The following NCKAP1 variants were observed in gnomAD, a reference collection of about 807,000 sequenced individuals.
NCKAP1 encodes the protein NCK associated protein 1.
In NCKAP1, 21 loss-of-function variants were observed where a neutral mutation model predicts 151.2. The observed-to-expected ratio is 0.14, with a 90% confidence interval of 0.10 to 0.20. NCKAP1 has a LOEUF of 0.20. Among genes scored for constraint, NCKAP1 ranks in the 10% least tolerant of loss-of-function variants. The probability of loss-of-function intolerance (pLI) is 1.00; values close to 1 mark genes in which losing one functional copy is unlikely to be tolerated. For synonymous variants in NCKAP1, 484 were observed against 451.8 expected (o/e 1.07, Z -0.90); for missense variants, 933 against 1,352.1 (o/e 0.69, Z 4.86).
At position 182,924,051 on chromosome 2, in the gene NCKAP1, G is replaced by A. The variant is rs557669242; in HGVS notation, c.*1651C>T. On this transcript the variant is annotated 3_prime_UTR_variant, in exon 31 of 31. Transcript: ENST00000361354. Reference sequence around the variant, plus strand: ...AAGATCCTAATATTTCAAAACAAACGGCATTAAATCTTAGTTTTGACTGCT... The same window carrying A: ...AAGATCCTAATATTTCAAAACAAACAGCATTAAATCTTAGTTTTGACTGCT... 6 of 152,012 alleles carry A rather than the reference G, an allele frequency of 3.9e-5. No individual in the cohort carries two copies. The highest frequency in any genetic ancestry group is 9.7e-5 in the African/African-American group (4 of 41,386). The allele number at this position is 152,012 out of a possible 1,614,324, so 9.4% of individuals were successfully genotyped here.
intron 18 of NCKAP1, among the ~76,000 whole-genome samples, chr2:182,959,959 C>T (rs1294668774): frequency 6.6e-6 from 1 of 152,172 alleles, no homozygotes; most frequent in Non-Finnish European, 1.5e-5. Context: ...AGAGCCAAAT[C>T]ATGAGTGAAC....
intron 4 of NCKAP1, among the ~76,000 whole-genome samples, chr2:183,002,765 C>T (rs1340501179): frequency 6.6e-6 from 1 of 151,414 alleles, no homozygotes; most frequent in African/African-American, 2.4e-5. Context: ...CGTGTATTTC[C>T]CAATATGTAC....
chr2:182,962,103 C>G, intron 18 of NCKAP1, 56 bp downstream of exon 18: 1 of 1,541,334 alleles, frequency 6.5e-7, no homozygotes, highest in South Asian at 1.3e-5. Flanking sequence ...GCTAAAAGCA[C>G]ATTTTCTTGC....
Position 182,981,353 on chromosome 2 carries a change from T to G in NCKAP1, c.1232A>C (p.Tyr411Ser), listed in dbSNP as rs992791777. 2 of 1,612,122 alleles carry G rather than the reference T, an allele frequency of 1.2e-6. No individual in the cohort carries two copies. Among genetic ancestry groups the G allele is most frequent in the Non-Finnish European group, 1.7e-6 (2 of 1,178,548 alleles). The change falls in exon 13 of 31, where the codon TAC (tyrosine) becomes TCC (serine). Residue 411 changes from tyrosine to serine, a missense_variant. Physicochemically the swap from Tyr to Ser is moderately radical, Grantham distance 144. This residue lies in a region of NCKAP1 where 607 missense variants were observed against 795.0 expected (regional missense o/e 0.76). Coordinates refer to ENST00000361354, the MANE Select transcript of NCKAP1 (RefSeq NM_013436.5). Reference sequence around the variant, plus strand: ...CACATGTGCTCTAAGTTCTTCCATGTAAAATATTAATTCAGCAATGTGCCT... The same window carrying G: ...CACATGTGCTCTAAGTTCTTCCATGGAAAATATTAATTCAGCAATGTGCCT... Reference protein sequence around the residue: ...IDKHIAELIFYMEELRAHVRK... With the variant: ...IDKHIAELIFSMEELRAHVRK...
intron 2 of NCKAP1, among the ~76,000 whole-genome samples, chr2:183,008,056 A>C (rs1163307511): frequency 6.6e-6 from 1 of 152,108 alleles, no homozygotes; most frequent in Non-Finnish European, 1.5e-5. Flanking sequence ...CCTCCCGAGT[A>C]GCTGGGATTA....
chr2:182,971,497 C>T (rs540684450), intron 15 of NCKAP1, among the ~76,000 whole-genome samples: 70 of 150,624 alleles, frequency 4.6e-4, no homozygotes, highest in Admixed American at 4.6e-3. Flanking sequence ...AATAAACTAT[C>T]TATCTAAATA....
chr2:183,029,530 C>T (rs959658682), intron 1 of NCKAP1, among the ~76,000 whole-genome samples: 16 of 151,320 alleles, frequency 1.1e-4, no homozygotes, highest in African/African-American at 3.9e-4. Flanking sequence ...AATCAAGACA[C>T]CAAAAAAAAA....
intron 2 of NCKAP1, among the ~76,000 whole-genome samples, chr2:183,009,139 C>T (rs534932511): frequency 2.6e-5 from 4 of 151,992 alleles, no homozygotes; most frequent in Admixed American, 1.3e-4. Flanking sequence ...TTTGGGAGGC[C>T]GAGGTGGGCG....
chr2:182,986,422 A>G (rs1698058364), intron 9 of NCKAP1, among the ~76,000 whole-genome samples, 195 bp from the exon 10 acceptor site: 1 of 152,166 alleles, frequency 6.6e-6, no homozygotes, highest in Non-Finnish European at 1.5e-5. Context: ...CCTAAAAAAA[A>G]AAGTAACATT....
chr2:182,964,952 C>A (rs1575034762), intron 16 of NCKAP1, 144 bp from the exon 17 acceptor site: 2 of 504,798 alleles, frequency 4.0e-6, no homozygotes, highest in African/African-American at 2.0e-5. Flanking sequence ...CCCAAAGTAT[C>A]TTTTACACAC....
At chr2:182,952,656 A>C (rs764121226) in intron 22 of NCKAP1, 137 bp downstream of exon 22, 41 of 1,152,638 alleles carry the variant, frequency 3.6e-5, no homozygotes, top group Non-Finnish European at 4.8e-5. Context: ...TGCAAAAGTA[A>C]TTCTAAGATA....
chr2:182,921,748 T>A lies in NCKAP1; in HGVS notation c.*3954A>T, dbSNP rs1304455507. 2 of 152,204 alleles carry A rather than the reference T, an allele frequency of 1.3e-5. No individual in the cohort carries two copies. Among genetic ancestry groups the A allele is most frequent in the African/African-American group, 4.8e-5 (2 of 41,456 alleles). The allele number at this position is 152,204 out of a possible 1,614,324, so 9.4% of individuals were successfully genotyped here. A position where few individuals can be genotyped will look rare whatever the true frequency, so the allele number is the denominator to read the frequency against. On this transcript the variant is annotated 3_prime_UTR_variant, in exon 31 of 31. Transcript: ENST00000361354. Reference sequence around the variant, plus strand: ...AAATGAAACATTCCAGAGTTAGACATGTTTACTCTGGACAGTCAAGGACAG... The same window carrying A: ...AAATGAAACATTCCAGAGTTAGACAAGTTTACTCTGGACAGTCAAGGACAG...
At chr2:182,937,271 C>T (rs1696897354) in intron 24 of NCKAP1, among the ~76,000 whole-genome samples, 1 of 151,930 alleles carries the variant, frequency 6.6e-6, no homozygotes, top group African/African-American at 2.4e-5. Context: ...TGAATGTGTA[C>T]AATAATGACA....
In NCKAP1 at chr2:182,922,267, G is replaced by C. The variant is rs1364166397; in HGVS notation, c.*3435C>G. 6.6e-6 allele frequency: 1 copy of C among 152,196 alleles called. No homozygotes were observed. Among genetic ancestry groups the C allele is most frequent in the Non-Finnish European group, 1.5e-5 (1 of 68,032 alleles). 9.4% of individuals were successfully genotyped at this position (152,196 alleles called of 1,614,324 possible). On this transcript the variant is annotated 3_prime_UTR_variant, in exon 31 of 31. Transcript: ENST00000361354. ...ACAGAATTTGGGCTTCATTTAGAAG[G>C]CCTGATGGTGTACAACAGACTTTAC...
chr2:182,920,686 C>G lies in NCKAP1; in HGVS notation c.*5016G>C, dbSNP rs989711954. On this transcript the variant is annotated 3_prime_UTR_variant, in exon 31 of 31. Coordinates refer to ENST00000361354, the MANE Select transcript of NCKAP1 (RefSeq NM_013436.5). The stretch of plus-strand genomic sequence containing the variant: ...TTGGGGCAAGTCGGCTGTCTGGGGC[C>G]CCTTTTACGAGGGCATTAATCCCAT... The G allele has an allele frequency of 1.3e-5, 2 of 152,030 alleles. No homozygotes were observed. Among genetic ancestry groups the G allele is most frequent in the African/African-American group, 4.8e-5 (2 of 41,350 alleles). 9.4% of individuals were successfully genotyped at this position (152,030 alleles called of 1,614,324 possible). A position where few individuals can be genotyped will look rare whatever the true frequency, so the allele number is the denominator to read the frequency against.
intron 2 of NCKAP1, among the ~76,000 whole-genome samples, chr2:183,004,385 T>C: frequency 6.6e-6 from 1 of 150,380 alleles, no homozygotes; most frequent in East Asian, 2.0e-4. Context: ...TACATAATTG[T>C]ACTGAACCAC....
At chr2:183,032,551 TTGTATCTAAA>T (rs1157800221) in intron 1 of NCKAP1, among the ~76,000 whole-genome samples, 7 of 152,196 alleles carry the variant, frequency 4.6e-5, no homozygotes, top group Non-Finnish European at 1.0e-4. Context: ...GTATGTATTT[TTGTATCTAAA>T]TGTATCTAAA....
At chr2:183,022,383 TAA>T (rs1273117379) in intron 2 of NCKAP1, among the ~76,000 whole-genome samples, 2 of 152,294 alleles carry the variant, frequency 1.3e-5, no homozygotes, top group South Asian at 2.1e-4. Flanking sequence ...TGTCAGTAAC[TAA>T]AAAAGAGTTC....
At chr2:183,037,808 A>G (rs903205180) in intron 1 of NCKAP1, among the ~76,000 whole-genome samples, 184 bp downstream of exon 1, 23 of 151,742 alleles carry the variant, frequency 1.5e-4, no homozygotes, top group Non-Finnish European at 3.1e-4. Flanking sequence ...AACCACAGGG[A>G]GAGGCGCCCG....
Sources: allele counts gnomAD v4.1 joint callset (sites outside exome capture counted in the v4.1 genomes callset), GRCh38; gene constraint gnomAD v4.1.1; regional missense constraint gnomAD v4.1.1; transcripts MANE v1.5; gene names NCBI Gene and HGNC (gene_info 2026-07-23, HGNC 2026-07-21).